The following DNAJC3 variants were observed in gnomAD, a reference collection of about 807,000 sequenced individuals.
The protein encoded by DNAJC3 is dnaJ homolog subfamily C member 3.
Under a neutral mutation model 68.6 loss-of-function variants are expected in DNAJC3, and 38 were observed. The observed-to-expected ratio is 0.55, with a 90% confidence interval of 0.43 to 0.73. The LOEUF (loss-of-function observed/expected upper bound fraction) is 0.73. DNAJC3 is among the 30% of genes least tolerant of loss of function. DNAJC3 has a pLI of 0.00. For missense variants in DNAJC3, 526 were observed against 591.9 expected (o/e 0.89, Z 1.16); for synonymous variants, 203 against 204.0 (o/e 1.00, Z 0.04).
At chr13:95,766,237 A>G (rs547565207) in intron 9 of DNAJC3, among the ~76,000 whole-genome samples, 5 of 152,324 alleles carry the variant, frequency 3.3e-5, no homozygotes, top group African/African-American at 1.2e-4. Flanking sequence ...GAATAATGGA[A>G]CATGGACATT....
At chr13:95,723,560 A>G (rs1057398035) in intron 3 of DNAJC3, among the ~76,000 whole-genome samples, 194 bp downstream of exon 3, 1 of 152,134 alleles carries the variant, frequency 6.6e-6, no homozygotes, top group Non-Finnish European at 1.5e-5. Flanking sequence ...AACAGCGGGT[A>G]CATTAGATGT....
intron 7 of DNAJC3, among the ~76,000 whole-genome samples, chr13:95,761,651 C>T (rs551453620): frequency 6.6e-6 from 1 of 152,306 alleles, no homozygotes; most frequent in South Asian, 2.1e-4. Flanking sequence ...ACCTACTTCC[C>T]TCTTGTTCCT....
At chr13:95,730,917 T>C (rs1002255705) in intron 4 of DNAJC3, among the ~76,000 whole-genome samples, 1 of 152,360 alleles carries the variant, frequency 6.6e-6, no homozygotes, top group South Asian at 2.1e-4. Context: ...ATTTTAACAA[T>C]GTTAATTTTG....
chr13:95,787,300 C>T (rs1883631301), intron 11 of DNAJC3, 145 bp downstream of exon 11: 2 of 963,266 alleles, frequency 2.1e-6, no homozygotes, highest in Non-Finnish European at 1.5e-6. Context: ...TATGCCTGCC[C>T]TCATTCAGCC....
intron 2 of DNAJC3, among the ~76,000 whole-genome samples, 184 bp from the exon 3 acceptor site, chr13:95,723,058 C>A (rs1881387612): frequency 6.6e-6 from 1 of 151,830 alleles, no homozygotes; most frequent in South Asian, 2.1e-4. Flanking sequence ...TTTGCTGACC[C>A]CTATTCTAGG....
At chr13:95,767,853 C>CTT (rs955684805) in intron 9 of DNAJC3, among the ~76,000 whole-genome samples, 3 of 144,976 alleles carry the variant, frequency 2.1e-5, no homozygotes, top group Admixed American at 6.9e-5. Context: ...CCACACCTGG[C>CTT]TTTTTTTTTT....
At chr13:95,688,927 GGTGTGTGTGT>G (rs57546561) in intron 1 of DNAJC3, among the ~76,000 whole-genome samples, 147 of 129,744 alleles carry the variant, frequency 1.1e-3, no homozygotes, top group African/African-American at 3.5e-3. Flanking sequence ...TGATTGTGTG[GGTGTGTGTGT>G]GTGTGTGTGT....
chr13:95,771,604 A>G (rs1883161218), intron 9 of DNAJC3, among the ~76,000 whole-genome samples: 1 of 152,160 alleles, frequency 6.6e-6, no homozygotes, highest in Admixed American at 6.5e-5. Context: ...CTGATTTAGC[A>G]GGATTCTTGC....
At chr13:95,750,872 A>G (rs1328903212) in intron 4 of DNAJC3, among the ~76,000 whole-genome samples, 1 of 152,138 alleles carries the variant, frequency 6.6e-6, no homozygotes, top group Non-Finnish European at 1.5e-5. Flanking sequence ...TAGTATTCTT[A>G]GTACTAGATG....
chr13:95,684,175 C>T (rs986334108), intron 1 of DNAJC3, among the ~76,000 whole-genome samples: 1 of 152,026 alleles, frequency 6.6e-6, no homozygotes, highest in Non-Finnish European at 1.5e-5. Context: ...ATGGTTGTGA[C>T]CAAAATGCTG....
intron 9 of DNAJC3, among the ~76,000 whole-genome samples, chr13:95,780,514 A>G (rs1883419922): frequency 6.6e-6 from 1 of 152,024 alleles, no homozygotes; most frequent in African/African-American, 2.4e-5. Flanking sequence ...CTTTCTCACT[A>G]TTTGCTTCCC....
chr13:95,779,987 C>A (rs193245335), intron 9 of DNAJC3, among the ~76,000 whole-genome samples: 1 of 152,278 alleles, frequency 6.6e-6, no homozygotes, highest in African/African-American at 2.4e-5. Context: ...ATTTGTGGGG[C>A]TAGTCCTCTG....
chr13:95,785,845 G>T, intron 9 of DNAJC3, 94 bp from the exon 10 acceptor site: 1 of 1,206,678 alleles, frequency 8.3e-7, no homozygotes, highest in East Asian at 2.8e-5. Context: ...GAAGGGGTTG[G>T]GGGATGACGA....
chr13:95,775,098 C>T (rs939439543), intron 9 of DNAJC3, among the ~76,000 whole-genome samples: 8 of 152,134 alleles, frequency 5.3e-5, no homozygotes, highest in Non-Finnish European at 7.3e-5. Flanking sequence ...CTAGTATCCC[C>T]TCTGGGGTGC....
intron 2 of DNAJC3, among the ~76,000 whole-genome samples, chr13:95,721,838 G>C (rs1041400152): frequency 6.6e-6 from 1 of 151,686 alleles, no homozygotes; most frequent in African/African-American, 2.4e-5. Context: ...ACCTTCCCCT[G>C]GCATTTTCAA....
At chr13:95,773,982 G>T (rs1483073562) in intron 9 of DNAJC3, among the ~76,000 whole-genome samples, 1 of 151,728 alleles carries the variant, frequency 6.6e-6, no homozygotes. Flanking sequence ...TGATCCACCC[G>T]CCTTGGCCTC....
Position 95,787,027 on chromosome 13 carries a change from T to G in DNAJC3, c.1229T>G (p.Ile410Ser), listed in dbSNP as rs1468992227. Residue 410 changes from isoleucine to serine, a missense_variant, in exon 11 of 12, where the codon ATT becomes AGT. Physicochemically the swap from Ile to Ser is moderately radical, Grantham distance 142. Transcript: ENST00000602402. The stretch of plus-strand genomic sequence containing the variant: ...CTCAGAAATGCCAAAAAGCAAGAAA[T>G]TATTAAAGCATACCGAAAATTAGCA... Reference protein sequence around the residue: ...GVKRNAKKQEIIKAYRKLALQ... With the variant: ...GVKRNAKKQESIKAYRKLALQ... 2 of 1,609,452 alleles carry G rather than the reference T, an allele frequency of 1.2e-6. No individual in the cohort carries two copies. Among genetic ancestry groups the G allele is most frequent in the Admixed American group, 1.7e-5 (1 of 58,908 alleles).
At chr13:95,726,984 T>G (rs1881546608) in intron 4 of DNAJC3, among the ~76,000 whole-genome samples, 1 of 152,220 alleles carries the variant, frequency 6.6e-6, no homozygotes, top group African/African-American at 2.4e-5. Flanking sequence ...GTCATTTTCT[T>G]TTTATCTATC....
chr13:95,716,598 G>A (rs563585887), intron 2 of DNAJC3, among the ~76,000 whole-genome samples: 57 of 152,282 alleles, frequency 3.7e-4, no homozygotes, highest in Non-Finnish European at 6.6e-4. Context: ...GGCTCTCAGC[G>A]AGATGGATAG....
Sources: allele counts gnomAD v4.1 joint callset (sites outside exome capture counted in the v4.1 genomes callset), GRCh38; gene constraint gnomAD v4.1.1; transcripts MANE v1.5; gene names NCBI Gene and HGNC (gene_info 2026-07-23, HGNC 2026-07-21).